NF1: variants seen among roughly 807,000 people sequenced by gnomAD.
NF1 encodes the protein neurofibromin.
NF1 carries 122 observed loss-of-function variants against 325.7 expected under a neutral mutation model. That is an observed-to-expected ratio of 0.37 (90% CI 0.32 to 0.44). NF1 has a LOEUF of 0.44. Ranked by LOEUF, NF1 falls within the 20% of genes least tolerant of loss-of-function variation. The pLI is 1.00. For missense variants in NF1, 2,140 were observed against 3,415.4 expected, an observed-to-expected ratio of 0.63 and a Z score of 9.31; for synonymous variants, 1,091 against 1,186.0, an observed-to-expected ratio of 0.92 and a Z score of 1.65.
chr17:31,306,106 C>T (rs548638270), intron 36 of NF1, among the ~76,000 whole-genome samples: 6 of 152,282 alleles, frequency 3.9e-5, no homozygotes, highest in Non-Finnish European at 7.3e-5. Flanking sequence ...TCTCTCCCCT[C>T]CCCTCCTTGA....
intron 40 of NF1, among the ~76,000 whole-genome samples, chr17:31,335,827 C>T (rs2151552340): frequency 6.6e-6 from 1 of 150,624 alleles, no homozygotes; most frequent in East Asian, 1.9e-4. Flanking sequence ...TACAGGTGCA[C>T]ACCAACACAC....
Position 31,374,281 on chromosome 17 carries a change from G to C in NF1, c.*126G>C. 3.9e-6 allele frequency: 5 copies of C among 1,273,890 alleles called. No homozygotes were observed. The highest frequency in any genetic ancestry group is 5.6e-6 in the Non-Finnish European group (5 of 886,080). The allele number at this position is 1,273,890 out of a possible 1,614,324, so 78.9% of individuals were successfully genotyped here. A position where few individuals can be genotyped will look rare whatever the true frequency, so the allele number is the denominator to read the frequency against. On this transcript the variant is annotated 3_prime_UTR_variant, in exon 58 of 58. Transcript: ENST00000358273. ...TTCCTGTTTTATAATGAACCCATCC[G>C]GTTTGCCATGTTGCCAGATGATCAA...
At chr17:31,349,992 A>G (rs561911583) in intron 49 of NF1, among the ~76,000 whole-genome samples, 191 bp from the exon 50 acceptor site, 1 of 152,330 alleles carries the variant, frequency 6.6e-6, no homozygotes, top group Non-Finnish European at 1.5e-5. Context: ...GATCAAATGT[A>G]TATTAAAGAA....
chr17:31,127,573 A>G (rs2143436132), intron 1 of NF1, among the ~76,000 whole-genome samples: 1 of 151,490 alleles, frequency 6.6e-6, no homozygotes, highest in South Asian at 2.1e-4. Flanking sequence ...AATGAAATTA[A>G]CTTATATTTT....
At chr17:31,158,453 T>G (rs1480857315) in intron 2 of NF1, among the ~76,000 whole-genome samples, 1 of 152,186 alleles carries the variant, frequency 6.6e-6, no homozygotes, top group East Asian at 1.9e-4. Context: ...GTGTTCCCAG[T>G]TATATTGAAA....
chr17:31,104,052 GT>G (rs1316637795), intron 1 of NF1, among the ~76,000 whole-genome samples: 1 of 151,776 alleles, frequency 6.6e-6, no homozygotes, highest in Non-Finnish European at 1.5e-5. Context: ...AAGTATTTTT[GT>G]TTTTCGTTTT....
intron 36 of NF1, among the ~76,000 whole-genome samples, chr17:31,299,922 A>G (rs1428752760): frequency 6.6e-6 from 1 of 151,964 alleles, no homozygotes; most frequent in Non-Finnish European, 1.5e-5. Flanking sequence ...TCTGTCCCCC[A>G]TATTTTCTAT....
At chr17:31,251,706 C>T (rs11080146) in intron 30 of NF1, 84,315 of 200,262 alleles carry the variant, frequency 0.42, 21,403 homozygotes, top group African/African-American at 0.75. Context: ...TTATATACCA[C>T]TGTTACTAAT....
At chr17:31,148,718 CAT>C (rs1471733899) in intron 1 of NF1, among the ~76,000 whole-genome samples, 1 of 152,010 alleles carries the variant, frequency 6.6e-6, no homozygotes, top group Non-Finnish European at 1.5e-5. Flanking sequence ...CACTAGGAGT[CAT>C]AGAATTAAAA....
intron 1 of NF1, among the ~76,000 whole-genome samples, chr17:31,131,536 A>G (rs1003378682): frequency 6.6e-6 from 1 of 152,190 alleles, no homozygotes; most frequent in Admixed American, 6.5e-5. Flanking sequence ...AGAGTGTGCC[A>G]GTCATCCTGA....
rs2069724967 is a variant in NF1, at chr17:31,338,037, A to G, written c.6717A>G (p.Gln2239=). The change falls in exon 45 of 58, where the codon CAA becomes CAG. Residue 2239 remains glutamine (Q), a synonymous_variant. Coordinates refer to ENST00000358273, the MANE Select transcript of NF1 (RefSeq NM_001042492.3). ...CTTTTAATTGCAGATTTGCATTCCA[A>G]TATAATCCATCCCTGCAACCAAGAG... The part of the protein sequence containing the change: ...WTELAQRFAF[Q]YNPSLQPRAL... 5.6e-6 allele frequency: 9 copies of G among 1,613,518 alleles called. No individual in the cohort carries two copies. Among genetic ancestry groups the G allele is most frequent in the East Asian group, 4.5e-5 (2 of 44,850 alleles).
chr17:31,132,806 A>G (rs1235168824), intron 1 of NF1, among the ~76,000 whole-genome samples: 1 of 151,982 alleles, frequency 6.6e-6, no homozygotes, highest in Non-Finnish European at 1.5e-5. Flanking sequence ...AGCTGGGATT[A>G]CAGGCGCTCG....
chr17:31,212,341 C>T (rs2066743297), intron 12 of NF1, among the ~76,000 whole-genome samples: 1 of 152,142 alleles, frequency 6.6e-6, no homozygotes, highest in Non-Finnish European at 1.5e-5. Flanking sequence ...TCTGGAATAC[C>T]TACTGAAGGA....
At chr17:31,338,864 T>C in intron 46 of NF1, 59 bp downstream of exon 46, 1 of 1,087,618 alleles carries the variant, frequency 9.2e-7, no homozygotes, top group East Asian at 2.4e-5. Context: ...GAATGTTACT[T>C]TCTTTCAAAG....
chr17:31,122,626 C>T (rs566969731), intron 1 of NF1, among the ~76,000 whole-genome samples: 7 of 152,266 alleles, frequency 4.6e-5, no homozygotes, highest in South Asian at 2.1e-4. Context: ...GTTGTGTCTA[C>T]TTATGGGCCA....
chr17:31,252,139 T>TA (rs199789203), intron 30 of NF1: 3 of 210,572 alleles, frequency 1.4e-5, no homozygotes, highest in African/African-American at 7.0e-5. Flanking sequence ...TTTTTTTTTT[T>TA]AAGATATTTT....
intron 1 of NF1, among the ~76,000 whole-genome samples, chr17:31,129,696 T>C (rs1915188613): frequency 6.6e-6 from 1 of 152,172 alleles, no homozygotes; most frequent in Non-Finnish European, 1.5e-5. Context: ...CCCAAAATGT[T>C]GAGATTACAG....
At chr17:31,304,576 A>G (rs139807961) in intron 36 of NF1, 27 of 1,614,042 alleles carry the variant, frequency 1.7e-5, no homozygotes, top group East Asian at 2.2e-5. Context: ...TTCCAAATCC[A>G]GAAGGGGAGG....
chr17:31,104,010 C>G (rs1283269266), intron 1 of NF1, among the ~76,000 whole-genome samples: 1 of 151,852 alleles, frequency 6.6e-6, no homozygotes, highest in Non-Finnish European at 1.5e-5. Flanking sequence ...GAGACCCTGT[C>G]TCAAAAAAAA....
Sources: gnomAD v4.1 joint callset for allele counts (sites outside exome capture counted in the v4.1 genomes callset) on GRCh38, gnomAD v4.1.1 for gene constraint, MANE v1.5 for transcripts, NCBI Gene and HGNC (gene_info 2026-07-23, HGNC 2026-07-21) for gene names.